The following EGF variants were observed in gnomAD, a reference collection of about 807,000 sequenced individuals.
The protein encoded by EGF is pro-epidermal growth factor.
Under a neutral mutation model 143.8 loss-of-function variants are expected in EGF, and 95 were observed. That is an observed-to-expected ratio of 0.66 (90% CI 0.56 to 0.78). EGF has a LOEUF of 0.78. EGF is among the 30% of genes least tolerant of loss of function. The probability of loss-of-function intolerance (pLI) is 0.00; values close to 1 mark genes in which losing one functional copy is unlikely to be tolerated. For missense variants in EGF, 1,320 were observed against 1,470.9 expected, an observed-to-expected ratio of 0.90 and a Z score of 1.68; for synonymous variants, 510 against 510.5, an observed-to-expected ratio of 1.00 and a Z score of 0.01.
rs772443447 is a variant in EGF, at chr4:109,913,482, G to A, written c.127+20G>A. The A allele has an allele frequency of 8.1e-6, 13 of 1,611,914 alleles. 1 individual carries two copies. The South Asian group carries it at 1.3e-4, about 16-fold the overall frequency. ...GTGTGGGTAAGTACTCCAATGAAAAGGTGCTCCAGGTCTCCGGGAAACTGC... is the reference window on the plus strand; with the variant it reads ...GTGTGGGTAAGTACTCCAATGAAAAAGTGCTCCAGGTCTCCGGGAAACTGC... On this transcript the variant is annotated intron_variant, in intron 1 of 23. Transcript: ENST00000265171.
chr4:109,982,931 A>G (rs922684000), intron 15 of EGF, among the ~76,000 whole-genome samples: 2 of 152,208 alleles, frequency 1.3e-5, no homozygotes, highest in African/African-American at 4.8e-5. Flanking sequence ...GAGAGTGGGC[A>G]GTGCGAGAAT....
chr4:110,011,503 A>G lies in EGF; in HGVS notation c.*48A>G. The G allele has an allele frequency of 6.2e-7, 1 of 1,613,776 alleles. No homozygotes were observed. The highest frequency in any genetic ancestry group is 1.1e-5 in the South Asian group (1 of 91,046). ...CAAGAAGAATGAACTATGTCGATGC[A>G]CAGTATCTTTTCTTTCAAAAGTAGA... On this transcript the variant is annotated 3_prime_UTR_variant, in exon 24 of 24. Transcript: ENST00000265171.
intron 10 of EGF, among the ~76,000 whole-genome samples, chr4:109,967,379 T>C (rs1323665886): frequency 6.6e-6 from 1 of 152,242 alleles, no homozygotes; most frequent in African/African-American, 2.4e-5. Context: ...CTGGGTTCTC[T>C]ATTCCATTCC....
intron 7 of EGF, 30 bp from the exon 8 acceptor site, chr4:109,961,833 C>G (rs756797521): frequency 1.2e-5 from 19 of 1,612,552 alleles, no homozygotes; most frequent in East Asian, 6.7e-5. Context: ...CGATTTAACA[C>G]TAATCTTGAC....
intron 1 of EGF, among the ~76,000 whole-genome samples, chr4:109,925,649 T>C (rs1367581286): frequency 6.6e-6 from 1 of 152,160 alleles, no homozygotes; most frequent in Non-Finnish European, 1.5e-5. Context: ...CATAATTACC[T>C]CAACAATGAA....
At chr4:109,943,469 T>C (rs749713346) in intron 3 of EGF, 34 bp downstream of exon 3, 2 of 1,593,298 alleles carry the variant, frequency 1.3e-6, no homozygotes, top group South Asian at 2.2e-5. Context: ...TTGAAATATA[T>C]TTACAAATCT....
intron 5 of EGF, among the ~76,000 whole-genome samples, chr4:109,946,365 C>T (rs1433352059): frequency 6.6e-6 from 1 of 152,210 alleles, no homozygotes; most frequent in Non-Finnish European, 1.5e-5. Flanking sequence ...GTGATCTCTG[C>T]CCTCACTAAA....
chr4:109,941,167 T>C (rs1257742275), intron 2 of EGF, 22 bp downstream of exon 2: 4 of 1,606,312 alleles, frequency 2.5e-6, no homozygotes, highest in South Asian at 1.1e-5. Flanking sequence ...TTACCTACAG[T>C]GTTTGAGCTG....
chr4:109,973,754 C>G (rs1366860075), intron 11 of EGF, among the ~76,000 whole-genome samples: 2 of 152,054 alleles, frequency 1.3e-5, no homozygotes, highest in African/African-American at 4.8e-5. Context: ...GCTTTATTTA[C>G]TATTGTATCT....
intron 13 of EGF, among the ~76,000 whole-genome samples, chr4:109,976,467 T>G (rs138135426): frequency 1.1e-4 from 16 of 152,338 alleles, no homozygotes; most frequent in African/African-American, 3.1e-4. Flanking sequence ...AAAATCAGAA[T>G]GAAAATATTA....
intron 12 of EGF, among the ~76,000 whole-genome samples, 196 bp from the exon 13 acceptor site, chr4:109,975,816 G>C (rs988350860): frequency 1.3e-5 from 2 of 152,114 alleles, no homozygotes; most frequent in Non-Finnish European, 2.9e-5. Context: ...TTTCGAAGAT[G>C]CTTTACATAG....
At chr4:109,989,296 G>A (rs1578358096) in intron 18 of EGF, among the ~76,000 whole-genome samples, 1 of 152,216 alleles carries the variant, frequency 6.6e-6, no homozygotes, top group East Asian at 1.9e-4. Flanking sequence ...TGGATTGGGA[G>A]TTCGCGTCGT....
rs1359591763 is a variant in EGF at position 109,994,871 on chromosome 4, A to G, written c.2996A>G (p.Tyr999Cys). The stretch of plus-strand genomic sequence containing the variant: ...ATGTATATTGAAGCATTGGACAAGT[A>G]TGCATGCAAGTAAGTTAAACTGTCT... Reference protein sequence around the residue: ...VCMYIEALDKYACNCVVGYIG... With the variant: ...VCMYIEALDKCACNCVVGYIG... Residue 999 changes from tyrosine to cysteine, a missense_variant, in exon 20 of 24, where the codon TAT becomes TGT. Coordinates refer to ENST00000265171, the MANE Select transcript of EGF (RefSeq NM_001963.6). The G allele has an allele frequency of 6.2e-7, 1 of 1,614,162 alleles. No individual in the cohort carries two copies.
intron 17 of EGF, among the ~76,000 whole-genome samples, chr4:109,988,285 C>G (rs1446553490): frequency 6.6e-6 from 1 of 151,234 alleles, no homozygotes; most frequent in Non-Finnish European, 1.5e-5. Flanking sequence ...ATATTAATAG[C>G]CTCAAAATTA....
chr4:109,960,942 C>T lies in EGF; in HGVS notation c.1142C>T (p.Thr381Met), dbSNP rs781754383. 5 of 1,613,880 alleles carry T rather than the reference C, an allele frequency of 3.1e-6. No homozygotes were observed. The highest frequency in any genetic ancestry group is 1.1e-5 in the South Asian group (1 of 91,076). Residue 381 changes from threonine to methionine, a missense_variant, in exon 7 of 24, where the codon ACG (threonine) becomes ATG (methionine). Transcript: ENST00000265171. Reference sequence around the variant, plus strand: ...AACACCCCTGGATCCTATTACTGCACGTGCCCTGTAGGATTTGTTCTGCTT... The same window carrying T: ...AACACCCCTGGATCCTATTACTGCATGTGCCCTGTAGGATTTGTTCTGCTT... ...CKNTPGSYYCTCPVGFVLLPD... is the reference protein window; with the variant it reads ...CKNTPGSYYCMCPVGFVLLPD...
At position 109,986,279 on chromosome 4, in the gene EGF, A is replaced by T. The variant is rs571044744; in HGVS notation, c.2492-1465A>T. On this transcript the variant is annotated intron_variant, in intron 16 of 23. Transcript: ENST00000265171. Reference sequence around the variant, plus strand: ...CTAATTTAAGATAATTCTGCAAGTGATTTAAAACATCTTGGGTAATCGGAT... The same window carrying T: ...CTAATTTAAGATAATTCTGCAAGTGTTTTAAAACATCTTGGGTAATCGGAT... Among the ~76,000 whole-genome samples the T allele has an allele frequency of 2.6e-5, 4 of 152,214 alleles. No individual in the cohort carries two copies. The South Asian group carries it at 8.3e-4, about 31-fold the overall frequency.
At chr4:109,930,867 A>G (rs1478195415) in intron 1 of EGF, among the ~76,000 whole-genome samples, 6 of 152,196 alleles carry the variant, frequency 3.9e-5, no homozygotes, top group Admixed American at 3.3e-4. Context: ...TGCTCCAAAC[A>G]TTCTGAACTC....
At chr4:109,995,055 A>G (rs1444361718) in intron 20 of EGF, among the ~76,000 whole-genome samples, 175 bp downstream of exon 20, 2 of 152,200 alleles carry the variant, frequency 1.3e-5, no homozygotes, top group African/African-American at 4.8e-5. Context: ...CTCCTTGTGT[A>G]TCACGATGCC....
At chr4:109,978,796 T>C (rs1748891490) in intron 13 of EGF, among the ~76,000 whole-genome samples, 1 of 152,234 alleles carries the variant, frequency 6.6e-6, no homozygotes, top group Non-Finnish European at 1.5e-5. Context: ...CTTAAGGCTT[T>C]AATTTGGGAC....
Sources: allele counts gnomAD v4.1 joint callset (sites outside exome capture counted in the v4.1 genomes callset), GRCh38; gene constraint gnomAD v4.1.1; transcripts MANE v1.5; gene names NCBI Gene and HGNC (gene_info 2026-07-23, HGNC 2026-07-21).